The following HPSE2 variants were observed in gnomAD, a reference collection of about 807,000 sequenced individuals.
HPSE2 encodes the protein inactive heparanase-2.
Under a neutral mutation model 60.5 loss-of-function variants are expected in HPSE2, and 38 were observed. That is an observed-to-expected ratio of 0.63 (90% CI 0.48 to 0.82). HPSE2 has a LOEUF of 0.82. Among genes scored for constraint, HPSE2 ranks in the 40% least tolerant of loss-of-function variants. The pLI is 0.00. For synonymous variants in HPSE2, 295 were observed against 293.2 expected, an observed-to-expected ratio of 1.01 and a Z score of -0.06; for missense variants, 713 against 740.4, an observed-to-expected ratio of 0.96 and a Z score of 0.43.
chr10:99,295,956 A>G, the HPSE2 span, among the ~76,000 whole-genome samples: 1 of 152,208 alleles, frequency 6.6e-6, no homozygotes, highest in Non-Finnish European at 1.5e-5. Context: ...ACTGCCTCCA[A>G]AAAGTGTCCC....
At chr10:98,994,893 C>A (rs1378170116) in intron 3 of HPSE2, among the ~76,000 whole-genome samples, 3 of 152,212 alleles carry the variant, frequency 2.0e-5, no homozygotes, top group African/African-American at 7.2e-5. Context: ...AGCCCAAAGT[C>A]AAGCCAAGGG....
chr10:98,721,241 G>A (rs1046820677), intron 5 of HPSE2, among the ~76,000 whole-genome samples: 4 of 151,538 alleles, frequency 2.6e-5, no homozygotes, highest in Non-Finnish European at 5.9e-5. Flanking sequence ...AGTATTTGTA[G>A]TGTTTTGCAA....
At chr10:99,134,299 G>C (rs188073716) in intron 3 of HPSE2, among the ~76,000 whole-genome samples, 1 of 152,052 alleles carries the variant, frequency 6.6e-6, no homozygotes, top group Non-Finnish European at 1.5e-5. Context: ...AACACTCTTC[G>C]GGATATTATC....
At chr10:98,995,476 C>A (rs1437799194) in intron 3 of HPSE2, among the ~76,000 whole-genome samples, 1 of 152,074 alleles carries the variant, frequency 6.6e-6, no homozygotes, top group Non-Finnish European at 1.5e-5. Context: ...TTTTCAGTGT[C>A]CAGAAAAACT....
chr10:98,605,618 G>T lies in HPSE2; in HGVS notation c.1320+9286C>A, dbSNP rs573665023. ...ACTCTAGGCACCAAGTTCAGTCGGG[G>T]ATCCCAGATAAAGGGCCAGGCAGTG... On this transcript the variant is annotated intron_variant, in intron 9 of 11. Coordinates refer to ENST00000370552, the MANE Select transcript of HPSE2 (RefSeq NM_021828.5). Among the ~76,000 whole-genome samples, 3 of 152,278 alleles carry T rather than the reference G, an allele frequency of 2.0e-5. 1 individual carries two copies. Among genetic ancestry groups the T allele is most frequent in the African/African-American group, 4.8e-5 (2 of 41,552 alleles).
At chr10:99,193,542 C>A (rs1202836015) in intron 2 of HPSE2, among the ~76,000 whole-genome samples, 1 of 149,468 alleles carries the variant, frequency 6.7e-6, no homozygotes, top group Non-Finnish European at 1.5e-5. Context: ...ACAAAAAACA[C>A]ACTTCACCTA....
At chr10:98,497,051 G>A (rs1941865763) in intron 9 of HPSE2, among the ~76,000 whole-genome samples, 1 of 151,394 alleles carries the variant, frequency 6.6e-6, no homozygotes, top group Admixed American at 6.6e-5. Flanking sequence ...TTAATTCATT[G>A]AAAATGATTT....
At chr10:99,158,783 G>T (rs915344288) in intron 2 of HPSE2, among the ~76,000 whole-genome samples, 4 of 151,868 alleles carry the variant, frequency 2.6e-5, no homozygotes, top group Admixed American at 2.0e-4. Flanking sequence ...ATAACATAGT[G>T]TAAAAATCAA....
At chr10:99,247,318 C>T in the HPSE2 span, among the ~76,000 whole-genome samples, 1 of 152,218 alleles carries the variant, frequency 6.6e-6, no homozygotes, top group African/African-American at 2.4e-5. Context: ...CAGTTTACTG[C>T]AACATGAAAA....
chr10:99,073,806 T>C (rs968012942), intron 3 of HPSE2, among the ~76,000 whole-genome samples: 5 of 152,220 alleles, frequency 3.3e-5, no homozygotes, highest in African/African-American at 4.8e-5. Flanking sequence ...TTCTTTTTGA[T>C]GCTATCATAA....
the HPSE2 span, among the ~76,000 whole-genome samples, chr10:99,311,955 T>A: frequency 2.0e-5 from 3 of 152,188 alleles, no homozygotes; most frequent in Non-Finnish European, 4.4e-5. Flanking sequence ...GTTTTAGTGG[T>A]CTAGATAGAA....
chr10:99,311,898 C>A, the HPSE2 span, among the ~76,000 whole-genome samples: 1 of 152,290 alleles, frequency 6.6e-6, no homozygotes, highest in South Asian at 2.1e-4. Flanking sequence ...CCAGTGAACA[C>A]ACAAATGATA....
chr10:99,163,137 G>C (rs1366256664), intron 2 of HPSE2, among the ~76,000 whole-genome samples: 1 of 151,668 alleles, frequency 6.6e-6, no homozygotes, highest in Non-Finnish European at 1.5e-5. Context: ...CATGAACCCA[G>C]GAGGCCGAGC....
intron 3 of HPSE2, among the ~76,000 whole-genome samples, chr10:98,927,135 G>C (rs929830894): frequency 7.9e-5 from 12 of 152,074 alleles, no homozygotes; most frequent in Non-Finnish European, 8.8e-5. Context: ...TTGGTGCAGA[G>C]CTGAGTTCAA....
Position 99,232,214 on chromosome 10 carries a change from T to TAC in HPSE2, c.448+132_448+133dup, listed in dbSNP as rs59437000. On this transcript the variant is annotated intron_variant, in intron 2 of 11. Transcript: ENST00000370552. ...ATCTGCCCCAACGCGCGCGCGCGCA[T>TAC]ACACACACACACACACACACACACA... The TAC allele has an allele frequency of 0.078, 69,214 of 886,090 alleles. 1,116 individuals are homozygous for TAC. Among genetic ancestry groups the TAC allele is most frequent in the East Asian group, 0.11 (3,806 of 35,754 alleles). The allele number at this position is 886,090 out of a possible 1,614,324, so 54.9% of individuals were successfully genotyped here.
At chr10:98,664,727 C>G (rs1362758712) in intron 6 of HPSE2, among the ~76,000 whole-genome samples, 1 of 152,182 alleles carries the variant, frequency 6.6e-6, no homozygotes, top group Admixed American at 6.5e-5. Flanking sequence ...AGGCAAAAAT[C>G]TAGACACAAA....
intron 2 of HPSE2, among the ~76,000 whole-genome samples, chr10:99,181,117 G>A (rs1250037003): frequency 3.3e-5 from 5 of 151,578 alleles, no homozygotes; most frequent in African/African-American, 4.8e-5. Flanking sequence ...AGACACACGC[G>A]GCCGGGCGCG....
chr10:99,142,776 T>C (rs143803606), intron 3 of HPSE2, among the ~76,000 whole-genome samples: 2 of 152,222 alleles, frequency 1.3e-5, no homozygotes, highest in East Asian at 3.9e-4. Context: ...TCAAAGATAA[T>C]ATGCCTTCAA....
intron 9 of HPSE2, among the ~76,000 whole-genome samples, chr10:98,575,354 T>C (rs974592500): frequency 4.6e-5 from 7 of 152,234 alleles, no homozygotes; most frequent in African/African-American, 1.7e-4. Context: ...AAATGATGGC[T>C]CTTAGGTGGA....
Sources: allele counts gnomAD v4.1 joint callset (sites outside exome capture counted in the v4.1 genomes callset), GRCh38; gene constraint gnomAD v4.1.1; transcripts MANE v1.5; gene names NCBI Gene and HGNC (gene_info 2026-07-23, HGNC 2026-07-21).